The following GRB7 variants were observed in gnomAD, a reference collection of about 807,000 sequenced individuals.
GRB7 encodes the protein growth factor receptor-bound protein 7.
A neutral mutation model predicts 64.1 loss-of-function variants in GRB7; 47 were observed. The observed-to-expected ratio is 0.73, with a 90% CI of 0.58 to 0.94. The LOEUF (loss-of-function observed/expected upper bound fraction) is 0.94, where lower values mean the gene tolerates loss of function less well. Ranked by LOEUF, GRB7 falls within the 40% of genes least tolerant of loss-of-function variation. The probability of loss-of-function intolerance (pLI) is 0.00; values close to 1 mark genes in which losing one functional copy is unlikely to be tolerated. For synonymous variants in GRB7, 277 were observed against 279.9 expected, an observed-to-expected ratio of 0.99 and a Z score of 0.10; for missense variants, 634 against 718.4, an observed-to-expected ratio of 0.88 and a Z score of 1.34.
chr17:39,745,202 G>C lies in GRB7; in HGVS notation c.1012-41G>C, dbSNP rs761244640. 5 of 1,515,186 alleles carry C rather than the reference G, an allele frequency of 3.3e-6. No individual in the cohort carries two copies. In the East Asian group the frequency reaches 9.1e-5, roughly 27 times the overall value. The allele number at this position is 1,515,186 out of a possible 1,614,324, so 93.9% of individuals were successfully genotyped here. On this transcript the variant is annotated intron_variant, in intron 9 of 14. Coordinates refer to ENST00000309156, the MANE Select transcript of GRB7 (RefSeq NM_005310.5). Reference sequence around the variant, plus strand: ...GGGGGCGTCACAGCCACGCCCCCAGGACCTCTCGACCTCAAGCTCTCTTTC... The same window carrying C: ...GGGGGCGTCACAGCCACGCCCCCAGCACCTCTCGACCTCAAGCTCTCTTTC...
At position 39,746,198 on chromosome 17, in the gene GRB7, T is replaced by G; in HGVS notation, c.1448T>G (p.Leu483Arg). The G allele has an allele frequency of 2.5e-6, 4 of 1,613,188 alleles. No individual in the cohort carries two copies. The highest frequency in any genetic ancestry group is 3.4e-6 in the Non-Finnish European group (4 of 1,179,196). The change falls in exon 14 of 15, where the codon CTG becomes CGG. Residue 483 changes from leucine to arginine, a missense_variant. By Grantham distance (102) the Leu-to-Arg change is moderately radical (BLOSUM62 -2). This residue lies in a region of GRB7 where 467 missense variants were observed against 576.6 expected (regional missense o/e 0.81). Transcript: ENST00000309156. Reference protein sequence around the residue: ...HLQKVKHYLILPSEEEGRLYF... With the variant: ...HLQKVKHYLIRPSEEEGRLYF... ...CAGAAAGTGAAGCATTATCTCATCC[T>G]GCCGGTGAGCTTCCCTGCGTCCCCG...
Position 39,743,418 on chromosome 17 carries a change from T to C in GRB7, c.611T>C (p.Val204Ala). The C allele has an allele frequency of 6.2e-7, 1 of 1,614,070 alleles. No individual in the cohort carries two copies. Among genetic ancestry groups the C allele is most frequent in the Non-Finnish European group, 8.5e-7 (1 of 1,180,000 alleles). Residue 204 changes from valine to alanine, a missense_variant, in exon 6 of 15, where the codon GTC (valine) becomes GCC (alanine). Coordinates refer to ENST00000309156, the MANE Select transcript of GRB7 (RefSeq NM_005310.5). ...CACTCCCTGTTCCCAGAAAAAATGG[T>C]CTCCAGCTGTCTCGATGCACACACT... ...SPHSLFPEKM[V>A]SSCLDAHTGI... is the part of the protein sequence containing the mutation.
chr17:39,740,209 G>T (rs183611878), intron 1 of GRB7: 1 of 971,640 alleles, frequency 1.0e-6, no homozygotes, highest in African/African-American at 1.8e-5. Flanking sequence ...GTGGGGGATT[G>T]TGTTCTGGTA....
chr17:39,739,073 C>T, intron 1 of GRB7: 1 of 625,228 alleles, frequency 1.6e-6, no homozygotes. Flanking sequence ...AGGGAGAGAC[C>T]CAGGTTCCCG....
chr17:39,745,227 C>T lies in GRB7; in HGVS notation c.1012-16C>T. On this transcript the variant is annotated splice_polypyrimidine_tract_variant and intron_variant, in intron 9 of 14. Coordinates refer to ENST00000309156, the MANE Select transcript of GRB7 (RefSeq NM_005310.5). ...GACCTCTCGACCTCAAGCTCTCTTT[C>T]TCTCCCCACCCCCAGTACGGGGTGC... is the stretch of plus-strand genomic sequence containing the variant. 7 of 1,576,950 alleles carry T rather than the reference C, an allele frequency of 4.4e-6. No homozygotes were observed. Among genetic ancestry groups the T allele is most frequent in the Non-Finnish European group, 6.0e-6 (7 of 1,160,188 alleles).
At chr17:39,738,925 G>GT in intron 1 of GRB7, 1 of 1,535,158 alleles carries the variant, frequency 6.5e-7, no homozygotes, top group Non-Finnish European at 8.7e-7. Flanking sequence ...TGGAGGCCGG[G>GT]TGAGACGGGG....
chr17:39,743,324 G>A, intron 5 of GRB7, 23 bp downstream of exon 5: 1 of 1,614,178 alleles, frequency 6.2e-7, no homozygotes, highest in Non-Finnish European at 8.5e-7. Flanking sequence ...GGGCTGTCTG[G>A]GCGCTGGGAT....
At chr17:39,745,853 G>T (rs1284814556) in intron 12 of GRB7, 60 bp from the exon 13 acceptor site, 5 of 1,612,260 alleles carry the variant, frequency 3.1e-6, no homozygotes, top group Non-Finnish European at 4.2e-6. Flanking sequence ...TCCCAGTGGG[G>T]AGTAGATGGT....
Position 39,742,574 on chromosome 17 carries a change from G to A in GRB7, c.164G>A (p.Arg55Gln), listed in dbSNP as rs368887935. The change falls in exon 3 of 15, where the codon CGA becomes CAA. Residue 55 changes from arginine to glutamine, a missense_variant. By Grantham distance (43) the Arg-to-Gln change is conservative. This residue lies in a region of GRB7 where 167 missense variants were observed against 141.9 expected (regional missense o/e 1.18). Transcript: ENST00000309156. The part of the protein sequence containing the change: ...LLIPTTGRKL[R>Q]EEERRATSLP... ...TTTTCTTCTTGCCACAGGAAACTTC[G>A]AGAGGAGGAGAGGCGTGCCACCTCC... is the stretch of plus-strand genomic sequence containing the variant. 1.4e-5 allele frequency: 23 copies of A among 1,613,642 alleles called. No individual in the cohort carries two copies. In the African/African-American group the frequency reaches 1.5e-4, roughly 10 times the overall value.
chr17:39,742,451 C>T lies in GRB7; in HGVS notation c.150C>T (p.Thr50=), dbSNP rs201537777. 82 of 1,613,868 alleles carry T rather than the reference C, an allele frequency of 5.1e-5. No homozygotes were observed. The South Asian group carries it at 5.8e-4, about 11-fold the overall frequency. The change falls in exon 2 of 15, where the codon ACC becomes ACT. Residue 50 remains threonine (T), a synonymous_variant. Transcript: ENST00000309156. ...CCCAGCCTCTCCTCATCCCAACCAC[C>T]GGCAGGTACGATGGGGCGTGGGGCT... is the stretch of plus-strand genomic sequence containing the variant. ...KRSQPLLIPT[T]GRKLREEERR...
In GRB7 at chr17:39,746,538, C is replaced by G. The variant is rs541260687; in HGVS notation, c.1453-213C>G. Among the ~76,000 whole-genome samples the G allele has an allele frequency of 3.9e-5, 6 of 151,954 alleles. No individual in the cohort carries two copies. The South Asian group carries it at 1.0e-3, about 26-fold the overall frequency. On this transcript the variant is annotated intron_variant, in intron 14 of 14. Coordinates refer to ENST00000309156, the MANE Select transcript of GRB7 (RefSeq NM_005310.5). ...GGCTGAGGTGGGAGCATTGCTTGAG[C>G]CCAGAGGGTCAAGGCTGCAGTGAGC...
At chr17:39,740,075 G>A (rs892837768) in intron 1 of GRB7, 2 of 985,440 alleles carry the variant, frequency 2.0e-6, no homozygotes, top group African/African-American at 3.5e-5. Context: ...CGAATTCTCT[G>A]CTCCTCTCCC....
Position 39,742,350 on chromosome 17 carries a change from C to T in GRB7, c.49C>T (p.Leu17Phe), listed in dbSNP as rs1346808071. ...PPHLSSSPED[L>F]CPAPGTPPGT... ...TCATCTTAGCAGCTCTCCGGAAGAC[C>T]TTTGCCCAGCCCCTGGGACCCCTCC... Residue 17 changes from leucine to phenylalanine, a missense_variant, in exon 2 of 15, where the codon CTT becomes TTT. Coordinates refer to ENST00000309156, the MANE Select transcript of GRB7 (RefSeq NM_005310.5). 5 of 1,614,038 alleles carry T rather than the reference C, an allele frequency of 3.1e-6. No individual in the cohort carries two copies. The highest frequency in any genetic ancestry group is 1.7e-5 in the Admixed American group (1 of 60,026).
At chr17:39,743,348 A>T in intron 5 of GRB7, 45 bp from the exon 6 acceptor site, 1 of 1,614,140 alleles carries the variant, frequency 6.2e-7, no homozygotes. Flanking sequence ...CTGATCCTCA[A>T]CCTGGATGCT....
chr17:39,744,192 C>T lies in GRB7; in HGVS notation c.786C>T (p.Thr262=). 1 of 1,613,984 alleles carries T rather than the reference C, an allele frequency of 6.2e-7. No individual in the cohort carries two copies. The highest frequency in any genetic ancestry group is 1.1e-5 in the South Asian group (1 of 91,074). ...GCCGATCTGGCCTCTATTACTCCACCAAGGGCACCTCTAAGGTAAGGTCTT... is the reference window on the plus strand; with the variant it reads ...GCCGATCTGGCCTCTATTACTCCACTAAGGGCACCTCTAAGGTAAGGTCTT... ...FLRRSGLYYS[T]KGTSKDPRHL... is the part of the protein sequence containing the mutation. The change falls in exon 7 of 15, where the codon ACC becomes ACT. Residue 262 remains threonine (T), a synonymous_variant. Coordinates refer to ENST00000309156, the MANE Select transcript of GRB7 (RefSeq NM_005310.5).
chr17:39,741,295 G>A (rs1011471384), intron 1 of GRB7, among the ~76,000 whole-genome samples: 3 of 152,170 alleles, frequency 2.0e-5, no homozygotes, highest in Non-Finnish European at 4.4e-5. Context: ...TCTAGCACTG[G>A]GGCTTCAGGA....
At chr17:39,746,022 C>T in intron 13 of GRB7, 22 bp downstream of exon 13, 1 of 1,613,696 alleles carries the variant, frequency 6.2e-7, no homozygotes, top group South Asian at 1.1e-5. Context: ...GGCCGGGCAA[C>T]AGACCCAGGG....
At position 39,746,873 on chromosome 17, in the gene GRB7, T is replaced by C. The variant is rs747678013; in HGVS notation, c.1575T>C (p.His525=). The change falls in exon 15 of 15, where the codon CAT becomes CAC. Residue 525 remains histidine (H), a synonymous_variant. Transcript: ENST00000309156. The part of the protein sequence containing the change: ...NRGILPCLLR[H]CCTRVAL Reference sequence around the variant, plus strand: ...GCATCCTGCCGTGCTTGCTGCGCCATTGCTGCACGCGGGTGGCCCTCTGAC... The same window carrying C: ...GCATCCTGCCGTGCTTGCTGCGCCACTGCTGCACGCGGGTGGCCCTCTGAC... 1.9e-6 allele frequency: 3 copies of C among 1,611,606 alleles called. No homozygotes were observed. The highest frequency in any genetic ancestry group is 2.5e-6 in the Non-Finnish European group (3 of 1,179,964).
intron 14 of GRB7, 61 bp downstream of exon 14, chr17:39,746,263 C>G: frequency 7.3e-7 from 1 of 1,371,960 alleles, no homozygotes; most frequent in Non-Finnish European, 1.0e-6. Flanking sequence ...GCAACCTGTC[C>G]TCCTCACCAG....
Sources: gnomAD v4.1 joint callset for allele counts (sites outside exome capture counted in the v4.1 genomes callset) on GRCh38, gnomAD v4.1.1 for gene constraint, gnomAD v4.1.1 regional missense constraint, MANE v1.5 for transcripts, NCBI Gene and HGNC (gene_info 2026-07-23, HGNC 2026-07-21) for gene names.